Variants in FERRY3 observed in about 807,000 individuals in gnomAD.
The protein encoded by FERRY3 is protein C12orf4.
chr12:4,494,675 C>T, the FERRY3 span, among the ~76,000 whole-genome samples: 12 of 152,346 alleles, frequency 7.9e-5, no homozygotes, highest in African/African-American at 2.9e-4. Flanking sequence ...ATTCTGTTTT[C>T]TGATCCACAG....
At chr12:4,533,046 T>C in the FERRY3 span, among the ~76,000 whole-genome samples, 1 of 152,214 alleles carries the variant, frequency 6.6e-6, no homozygotes, top group Non-Finnish European at 1.5e-5. Context: ...CCAACAATCT[T>C]TTTATACCTA....
the FERRY3 span, chr12:4,534,234 C>T: frequency 1.9e-6 from 3 of 1,612,812 alleles, no homozygotes; most frequent in Non-Finnish European, 2.5e-6. Context: ...GCCAGGGATG[C>T]TTCAGCATCT....
the FERRY3 span, among the ~76,000 whole-genome samples, chr12:4,534,612 A>G: frequency 6.6e-6 from 1 of 152,162 alleles, no homozygotes; most frequent in Non-Finnish European, 1.5e-5. Flanking sequence ...CATGTTGCCC[A>G]GGCTGGTCTT....
chr12:4,511,396 G>A, the FERRY3 span, among the ~76,000 whole-genome samples: 4 of 150,974 alleles, frequency 2.6e-5, no homozygotes, highest in Non-Finnish European at 5.9e-5. Context: ...GGACCTAATA[G>A]ACATCTACAG....
the FERRY3 span, chr12:4,502,432 G>A: frequency 2.2e-6 from 1 of 452,930 alleles, no homozygotes. The surrounding 1 kb of genome is among the most constrained non-coding windows in gnomAD (Gnocchi z 4.2). Flanking sequence ...TTTTTTCTGT[G>A]TAGCTCTACA....
chr12:4,522,087 G>A, the FERRY3 span, among the ~76,000 whole-genome samples: 3 of 152,194 alleles, frequency 2.0e-5, no homozygotes, highest in Admixed American at 1.3e-4. Context: ...GTCAATATAT[G>A]TTCTTGATCA....
the FERRY3 span, chr12:4,518,307 C>T: frequency 6.6e-7 from 1 of 1,511,180 alleles, no homozygotes; most frequent in Non-Finnish European, 9.2e-7. Context: ...ACAGAAAGTC[C>T]AGTATAACAA....
chr12:4,532,085 ATTTT>A, the FERRY3 span, among the ~76,000 whole-genome samples: 5 of 135,530 alleles, frequency 3.7e-5, no homozygotes, highest in Admixed American at 7.3e-5. Context: ...TAAATTGTGA[ATTTT>A]TTTTTTTTTT....
the FERRY3 span, among the ~76,000 whole-genome samples, chr12:4,503,444 C>G: frequency 6.6e-6 from 1 of 152,070 alleles, no homozygotes; most frequent in African/African-American, 2.4e-5. Flanking sequence ...ACTGTAAATA[C>G]TTAGATCATT....
the FERRY3 span, among the ~76,000 whole-genome samples, chr12:4,527,114 A>AGAT: frequency 6.6e-6 from 1 of 152,110 alleles, no homozygotes; most frequent in East Asian, 1.9e-4. Flanking sequence ...AAATACAAAC[A>AGAT]GATATAAATA....
At chr12:4,504,092 A>G in the FERRY3 span, among the ~76,000 whole-genome samples, 1 of 152,206 alleles carries the variant, frequency 6.6e-6, no homozygotes, top group Non-Finnish European at 1.5e-5. Context: ...GGATAACTGA[A>G]GGTGGGAGGA....
the FERRY3 span, chr12:4,491,041 T>C: frequency 1.3e-6 from 1 of 748,346 alleles, no homozygotes; most frequent in Non-Finnish European, 2.3e-6. Context: ...TATTATGAAA[T>C]ATTTGCTTGC....
At chr12:4,536,990 C>T in the FERRY3 span, among the ~76,000 whole-genome samples, 1 of 152,178 alleles carries the variant, frequency 6.6e-6, no homozygotes, top group South Asian at 2.1e-4. Flanking sequence ...CGCTTAAAAA[C>T]TTTCTATGAC....
At chr12:4,499,501 A>G in the FERRY3 span, among the ~76,000 whole-genome samples, 2 of 152,154 alleles carry the variant, frequency 1.3e-5, no homozygotes, top group African/African-American at 4.8e-5. Flanking sequence ...ACCAGTTTCT[A>G]TGTGGGTGAA....
At chr12:4,533,432 C>T in the FERRY3 span, among the ~76,000 whole-genome samples, 2 of 152,118 alleles carry the variant, frequency 1.3e-5, no homozygotes, top group Non-Finnish European at 2.9e-5. Flanking sequence ...ATCTCATTTC[C>T]ACCACCACCA....
At chr12:4,499,178 C>T in the FERRY3 span, among the ~76,000 whole-genome samples, 1 of 152,084 alleles carries the variant, frequency 6.6e-6, no homozygotes, top group Non-Finnish European at 1.5e-5. Context: ...TCTCTGCTTC[C>T]CAGTCAGTGA....
At chr12:4,535,171 TG>T in the FERRY3 span, among the ~76,000 whole-genome samples, 1 of 152,220 alleles carries the variant, frequency 6.6e-6, no homozygotes, top group African/African-American at 2.4e-5. This position sits in a 1 kb window ranked among gnomAD's most constrained non-coding sequence, Gnocchi z 4.0. Flanking sequence ...GTTCTGGCTT[TG>T]GCTCTATTAT....
the FERRY3 span, among the ~76,000 whole-genome samples, chr12:4,537,387 T>A: frequency 1.3e-5 from 2 of 152,214 alleles, no homozygotes; most frequent in Non-Finnish European, 2.9e-5. Flanking sequence ...TACTCTTGGC[T>A]AGAAAACAGT....
the FERRY3 span, among the ~76,000 whole-genome samples, chr12:4,495,621 G>A: frequency 8.5e-5 from 13 of 152,288 alleles, no homozygotes; most frequent in Non-Finnish European, 1.6e-4. Context: ...TGGTAATAAT[G>A]AAAGATTGTA....
Sources: allele counts gnomAD v4.1 joint callset (sites outside exome capture counted in the v4.1 genomes callset), GRCh38; gene constraint gnomAD v4.1.1; non-coding constraint Gnocchi (gnomAD v3.1); transcripts MANE v1.5; gene names NCBI Gene and HGNC (gene_info 2026-07-23, HGNC 2026-07-21).